RBFOX2: variants seen among roughly 807,000 people sequenced by gnomAD.
RBFOX2 encodes RNA binding fox-1 homolog 2, also known as RNA binding protein fox-1 homolog 2.
Under a neutral mutation model 49.1 loss-of-function variants are expected in RBFOX2, and 10 were observed. That is an observed-to-expected ratio of 0.20 (90% confidence interval 0.13 to 0.35). The LOEUF is 0.35. Among genes scored for constraint, RBFOX2 ranks in the 10% least tolerant of loss-of-function variants. The pLI, the probability that RBFOX2 is intolerant of heterozygous loss-of-function variation, is 1.00. For synonymous variants in RBFOX2, 183 were observed against 187.4 expected, an observed-to-expected ratio of 0.98 and a Z score of 0.19; for missense variants, 323 against 486.9, an observed-to-expected ratio of 0.66 and a Z score of 3.17.
intron 1 of RBFOX2, among the ~76,000 whole-genome samples, chr22:36,027,848 C>T (rs1462304513): frequency 6.6e-6 from 1 of 152,158 alleles, no homozygotes; most frequent in African/African-American, 2.4e-5. Flanking sequence ...ACTCCCTCTT[C>T]TCGGGAGGTT....
chr22:35,959,304 C>A (rs1216664597), intron 1 of RBFOX2, among the ~76,000 whole-genome samples: 1 of 152,114 alleles, frequency 6.6e-6, no homozygotes, highest in East Asian at 1.9e-4. Flanking sequence ...AGAGCCAGAG[C>A]CATAATTATA....
intron 1 of RBFOX2, among the ~76,000 whole-genome samples, chr22:35,839,962 G>A (rs373859513): frequency 6.6e-6 from 1 of 152,168 alleles, no homozygotes; most frequent in Non-Finnish European, 1.5e-5. Context: ...CACAGTACAG[G>A]AAACAGGAAT....
chr22:35,948,198 C>T lies in RBFOX2; in HGVS notation c.43-9301G>A, dbSNP rs1040661254. 6.6e-5 allele frequency among the ~76,000 whole-genome samples: 10 copies of T among 152,128 alleles called. No homozygotes were observed. In the East Asian group the frequency reaches 7.7e-4, roughly 12 times the overall value. On this transcript the variant is annotated intron_variant, in intron 1 of 5. Coordinates refer to the RBFOX2 transcript ENST00000408983. ...CACATGCTGTACAGATGTGCAGCCT[C>T]GGAACAAAAGGCCGTATCACACAGC...
chr22:35,875,607 G>GGGGTGTGTGTGT (rs1171006043), intron 1 of RBFOX2, among the ~76,000 whole-genome samples: 1 of 117,670 alleles, frequency 8.5e-6, no homozygotes, highest in African/African-American at 3.3e-5. Context: ...TGCTCACAAG[G>GGGGTGTGTGTGT]GTGTGTGTGT....
chr22:35,913,205 G>A (rs1352965389), intron 1 of RBFOX2, among the ~76,000 whole-genome samples: 1 of 151,968 alleles, frequency 6.6e-6, no homozygotes, highest in African/African-American at 2.4e-5. Context: ...CAGTTGCAGT[G>A]GCTGGTGCCT....
intron 1 of RBFOX2, among the ~76,000 whole-genome samples, chr22:35,851,569 G>A (rs956716914): frequency 6.6e-6 from 1 of 152,152 alleles, no homozygotes; most frequent in Non-Finnish European, 1.5e-5. Context: ...GCTCACACCT[G>A]TAATCCCAAC....
intron 1 of RBFOX2, chr22:35,993,326 G>A (rs1157563936): frequency 6.6e-6 from 1 of 152,190 alleles, no homozygotes; most frequent in Non-Finnish European, 1.5e-5. Flanking sequence ...TAAAACACAG[G>A]TATGTTAACA....
chr22:35,997,730 C>A (rs566579556), intron 1 of RBFOX2: 1 of 152,274 alleles, frequency 6.6e-6, no homozygotes, highest in African/African-American at 2.4e-5. Flanking sequence ...GTGGCTCACA[C>A]CTATAATCCT....
chr22:35,753,157 A>G (rs1935585290), intron 9 of RBFOX2, among the ~76,000 whole-genome samples: 1 of 152,222 alleles, frequency 6.6e-6, no homozygotes, highest in Admixed American at 6.5e-5. Flanking sequence ...TGCACTTTTC[A>G]TACTAAACTC....
chr22:35,858,290 T>G (rs1213318659), intron 1 of RBFOX2, among the ~76,000 whole-genome samples: 3 of 152,226 alleles, frequency 2.0e-5, no homozygotes, highest in Non-Finnish European at 4.4e-5. Context: ...TGTTTGGTTT[T>G]GGCCTCTGTG....
chr22:35,896,429 G>A (rs890180651), intron 1 of RBFOX2, among the ~76,000 whole-genome samples: 2 of 152,094 alleles, frequency 1.3e-5, no homozygotes, highest in Admixed American at 1.3e-4. Context: ...CTGCCTCAGG[G>A]TTTTGGCTCC....
chr22:35,821,026 G>T (rs1954344025), intron 1 of RBFOX2, among the ~76,000 whole-genome samples: 1 of 152,130 alleles, frequency 6.6e-6, no homozygotes, highest in African/African-American at 2.4e-5. Context: ...CAACCCCAGG[G>T]TACTGTAGGC....
At chr22:35,945,282 C>T (rs1274066269) in intron 1 of RBFOX2, among the ~76,000 whole-genome samples, 1 of 152,140 alleles carries the variant, frequency 6.6e-6, no homozygotes, top group African/African-American at 2.4e-5. Flanking sequence ...GGATGTTTCA[C>T]TATGTTATTC....
chr22:35,764,547 T>C (rs1006072751), intron 6 of RBFOX2, among the ~76,000 whole-genome samples: 4 of 143,078 alleles, frequency 2.8e-5, no homozygotes, highest in African/African-American at 1.1e-4. Flanking sequence ...ATTGCGCCAG[T>C]GCACTCCAGC....
At chr22:35,931,555 G>A (rs1393919759) in intron 1 of RBFOX2, among the ~76,000 whole-genome samples, 6 of 151,960 alleles carry the variant, frequency 3.9e-5, no homozygotes, top group Non-Finnish European at 7.4e-5. Context: ...CGGGTGGAAC[G>A]CATGAACTCA....
At chr22:36,026,492 CG>C (rs901917878) in intron 1 of RBFOX2, among the ~76,000 whole-genome samples, 12 of 151,378 alleles carry the variant, frequency 7.9e-5, no homozygotes, top group African/African-American at 2.9e-4. Flanking sequence ...GGGAAAGGGA[CG>C]GGGGTCTCAC....
intron 1 of RBFOX2, chr22:35,997,909 G>A: frequency 6.6e-6 from 1 of 152,224 alleles, no homozygotes; most frequent in Admixed American, 6.5e-5. Flanking sequence ...GGCTTAGGTG[G>A]GAGGACTGCT....
chr22:35,886,287 T>C (rs532727503), intron 1 of RBFOX2, among the ~76,000 whole-genome samples: 15 of 152,330 alleles, frequency 9.8e-5, no homozygotes, highest in East Asian at 5.8e-4. Flanking sequence ...GTAACATATG[T>C]TCTCTTATTT....
intron 1 of RBFOX2, among the ~76,000 whole-genome samples, chr22:36,022,410 G>A (rs1311620022): frequency 6.6e-6 from 1 of 152,186 alleles, no homozygotes; most frequent in Non-Finnish European, 1.5e-5. Context: ...GAAAATGGGA[G>A]GGAGTTGGGA....
Sources: gnomAD v4.1 joint callset for allele counts (sites outside exome capture counted in the v4.1 genomes callset) on GRCh38, gnomAD v4.1.1 for gene constraint, MANE v1.5 for transcripts, NCBI Gene and HGNC (gene_info 2026-07-23, HGNC 2026-07-21) for gene names.